The following LEPR variants were observed in gnomAD, a reference collection of about 807,000 sequenced individuals.
LEPR encodes the protein OB receptor.
Under a neutral mutation model 114.7 loss-of-function variants are expected in LEPR, and 56 were observed. The ratio of observed to expected loss-of-function variants is 0.49; its 90% CI spans 0.39 to 0.61. The LOEUF (loss-of-function observed/expected upper bound fraction) is 0.61, where lower values mean the gene tolerates loss of function less well. LEPR is among the 20% of genes least tolerant of loss of function. LEPR has a pLI of 0.00. For synonymous variants in LEPR, 443 were observed against 461.4 expected (o/e 0.96, Z 0.51); for missense variants, 1,202 against 1,352.9 (o/e 0.89, Z 1.75).
At chr1:65,546,752 A>C (rs1651766727) in intron 2 of LEPR, among the ~76,000 whole-genome samples, 2 of 152,200 alleles carry the variant, frequency 1.3e-5, no homozygotes, top group South Asian at 4.1e-4. Context: ...TGTCATCTGC[A>C]AACAGGGACA....
chr1:65,476,654 A>G lies in LEPR; in HGVS notation c.-21+51276A>G, dbSNP rs1462070544. 2.6e-5 allele frequency among the ~76,000 whole-genome samples: 4 copies of G among 152,174 alleles called. No individual in the cohort carries two copies. The East Asian group carries it at 5.8e-4, about 22-fold the overall frequency. On this transcript the variant is annotated intron_variant, in intron 2 of 19. Coordinates refer to ENST00000349533, the MANE Select transcript of LEPR (RefSeq NM_002303.6). ...TAAGCCTCTAACAATAATAACACTGATGGCAGCTAAACATTTATTGAGCCT... is the reference window on the plus strand; with the variant it reads ...TAAGCCTCTAACAATAATAACACTGGTGGCAGCTAAACATTTATTGAGCCT...
intron 2 of LEPR, among the ~76,000 whole-genome samples, chr1:65,556,491 C>A (rs1161529944): frequency 1.3e-5 from 2 of 152,148 alleles, no homozygotes; most frequent in East Asian, 3.9e-4. Flanking sequence ...GGATTGTTAA[C>A]CCCTTGAAAT....
intron 5 of LEPR, among the ~76,000 whole-genome samples, chr1:65,578,751 G>A (rs1490012141): frequency 6.6e-6 from 1 of 152,000 alleles, no homozygotes; most frequent in African/African-American, 2.4e-5. Context: ...AATAATAGGG[G>A]GAAGGAAAAG....
intron 2 of LEPR, among the ~76,000 whole-genome samples, chr1:65,468,917 G>C (rs942221539): frequency 1.3e-5 from 2 of 152,240 alleles, no homozygotes; most frequent in Non-Finnish European, 2.9e-5. Flanking sequence ...CAGAACAGCT[G>C]CTGCTCTGTT....
intron 5 of LEPR, among the ~76,000 whole-genome samples, chr1:65,586,979 G>A (rs1026207132): frequency 6.6e-6 from 1 of 151,734 alleles, no homozygotes; most frequent in Admixed American, 6.6e-5. Context: ...GTGAAGGGAT[G>A]AGGAAACCAT....
At chr1:65,618,234 A>C (rs1400371225) in intron 16 of LEPR, 88 bp downstream of exon 16, 34 of 1,231,012 alleles carry the variant, frequency 2.8e-5, no homozygotes, top group Non-Finnish European at 3.6e-5. Context: ...CAGTTAATGA[A>C]AACTTCAAAA....
intron 2 of LEPR, among the ~76,000 whole-genome samples, chr1:65,488,153 T>C (rs1416685019): frequency 1.1e-5 from 1 of 92,354 alleles, no homozygotes; most frequent in Non-Finnish European, 1.9e-5. Flanking sequence ...CCTTCCTTCC[T>C]TCCTTCCTTT....
chr1:65,524,539 A>G (rs926294138), intron 2 of LEPR, among the ~76,000 whole-genome samples: 1 of 152,192 alleles, frequency 6.6e-6, no homozygotes, highest in African/African-American at 2.4e-5. Context: ...TCCATAATGC[A>G]CAGCAGCTGG....
chr1:65,550,543 G>A (rs1418422317), intron 2 of LEPR, among the ~76,000 whole-genome samples: 2 of 152,174 alleles, frequency 1.3e-5, no homozygotes, highest in African/African-American at 2.4e-5. Flanking sequence ...CCCCAGCCTC[G>A]CTGCCGCCTT....
At chr1:65,588,691 C>A (rs1247230961) in intron 5 of LEPR, among the ~76,000 whole-genome samples, 1 of 152,030 alleles carries the variant, frequency 6.6e-6, no homozygotes, top group Non-Finnish European at 1.5e-5. Flanking sequence ...TAAATGCAAT[C>A]ATACAGTACT....
At chr1:65,576,395 G>T (rs3790428) in intron 5 of LEPR, 43,005 of 152,378 alleles carry the variant, frequency 0.28, 7,432 homozygotes, top group East Asian at 0.83. Flanking sequence ...ATCTGATTTG[G>T]GTCCCCATGC....
At chr1:65,452,071 T>C (rs1646793643) in intron 2 of LEPR, among the ~76,000 whole-genome samples, 1 of 151,986 alleles carries the variant, frequency 6.6e-6, no homozygotes, top group African/African-American at 2.4e-5. Context: ...ATGATTTGGC[T>C]GTCTGTTTGT....
At position 65,566,777 on chromosome 1, in the gene LEPR, C is replaced by T. The variant is rs141872017; in HGVS notation, c.40+1172C>T. 5.3e-5 allele frequency among the ~76,000 whole-genome samples: 8 copies of T among 152,316 alleles called. No individual in the cohort carries two copies. The East Asian group carries it at 1.5e-3, about 29-fold the overall frequency. On this transcript the variant is annotated intron_variant, in intron 3 of 19. Coordinates refer to ENST00000349533, the MANE Select transcript of LEPR (RefSeq NM_002303.6). ...CCTTGGCTACCCCAATCTAAAGGGGCTCTTCTAAGCTTCCCTATAGGTCTT... is the reference window on the plus strand; with the variant it reads ...CCTTGGCTACCCCAATCTAAAGGGGTTCTTCTAAGCTTCCCTATAGGTCTT...
Position 65,633,259 on chromosome 1 carries a change from G to A in LEPR, c.2674-2932G>A. 1 of 1,560,856 alleles carries A rather than the reference G, an allele frequency of 6.4e-7. No individual in the cohort carries two copies. The highest frequency in any genetic ancestry group is 8.6e-7 in the Non-Finnish European group (1 of 1,157,856). On this transcript the variant is annotated intron_variant, in intron 19 of 19. Transcript: ENST00000349533. This position sits in a 1 kb window ranked among gnomAD's most constrained non-coding sequence, Gnocchi z 4.1. ...AGAAGATTTTTACATTTTGAAGAAG[G>A]GGAGCAAATCTAAAAAAAATTCAGT... is the stretch of plus-strand genomic sequence containing the variant.
chr1:65,602,858 G>A (rs1015762235), intron 10 of LEPR, among the ~76,000 whole-genome samples: 1 of 152,038 alleles, frequency 6.6e-6, no homozygotes, highest in African/African-American at 2.4e-5. Flanking sequence ...TCAAATAGCT[G>A]CCTTCATCCT....
intron 4 of LEPR, among the ~76,000 whole-genome samples, chr1:65,571,780 CCCATCT>C (rs1322608591): frequency 1.5e-5 from 2 of 131,870 alleles, no homozygotes; most frequent in African/African-American, 5.8e-5. Flanking sequence ...ATAATGAAAC[CCCATCT>C]CTACCAAAAA....
intron 2 of LEPR, among the ~76,000 whole-genome samples, chr1:65,502,735 C>G (rs928978203): frequency 5.3e-5 from 8 of 152,004 alleles, no homozygotes; most frequent in Non-Finnish European, 8.8e-5. Flanking sequence ...GAGGAAGAGG[C>G]AGAGGATCCC....
chr1:65,616,108 C>G lies in LEPR; in HGVS notation c.2096C>G (p.Thr699Arg), dbSNP rs34499590. The G allele has an allele frequency of 1.9e-6, 3 of 1,614,160 alleles. No individual in the cohort carries two copies. In the East Asian group the frequency reaches 6.7e-5, roughly 36 times the overall value. ...TGGTCAGAAGATGTGGGAAATCACA[C>G]GAAATTCACTTTCCTGTGGACAGAG... ...GTWSEDVGNH[T>R]KFTFLWTEQA... Residue 699 changes from threonine (T) to arginine (R), a missense_variant, in exon 15 of 20, where the codon ACG (threonine) becomes AGG (arginine). Thr to Arg is a moderately conservative substitution (Grantham distance 71). Transcript: ENST00000349533.
At chr1:65,473,194 A>G (rs1407182255) in intron 2 of LEPR, among the ~76,000 whole-genome samples, 5 of 152,220 alleles carry the variant, frequency 3.3e-5, no homozygotes, top group African/African-American at 1.2e-4. Context: ...AGTGGCAGGC[A>G]GGGATCATCC....
Sources: allele counts gnomAD v4.1 joint callset (sites outside exome capture counted in the v4.1 genomes callset), GRCh38; gene constraint gnomAD v4.1.1; non-coding constraint Gnocchi (gnomAD v3.1); transcripts MANE v1.5; gene names NCBI Gene and HGNC (gene_info 2026-07-23, HGNC 2026-07-21).